Variants in ZDHHC14 observed in about 807,000 individuals in gnomAD.
The protein encoded by ZDHHC14 is palmitoyltransferase ZDHHC14.
ZDHHC14 carries 16 observed loss-of-function variants against 47.7 expected under a neutral mutation model. The ratio of observed to expected loss-of-function variants is 0.34; its 90% confidence interval spans 0.23 to 0.51. The LOEUF is 0.51. Ranked by LOEUF, ZDHHC14 falls within the 20% of genes least tolerant of loss-of-function variation. ZDHHC14 has a pLI of 0.97. For synonymous variants in ZDHHC14, 293 were observed against 278.9 expected, an observed-to-expected ratio of 1.05 and a Z score of -0.50; for missense variants, 515 against 662.5, an observed-to-expected ratio of 0.78 and a Z score of 2.44.
chr6:157,592,743 G>T, intron 2 of ZDHHC14: 1 of 1,258,084 alleles, frequency 7.9e-7, no homozygotes, highest in Non-Finnish European at 1.0e-6. Context: ...GCTGGGTGGG[G>T]CCATGTGTGC....
chr6:157,437,208 T>C (rs769590694), intron 1 of ZDHHC14, among the ~76,000 whole-genome samples: 7 of 152,226 alleles, frequency 4.6e-5, no homozygotes, highest in Non-Finnish European at 7.3e-5. Flanking sequence ...CTGGGCCTCC[T>C]GGTTCTCAGG....
intron 1 of ZDHHC14, among the ~76,000 whole-genome samples, chr6:157,435,571 G>A (rs2114785920): frequency 6.6e-6 from 1 of 151,636 alleles, no homozygotes; most frequent in African/African-American, 2.4e-5. Flanking sequence ...ATAGGGTCTG[G>A]CTCTTTTGCC....
At position 157,511,547 on chromosome 6, in the gene ZDHHC14, C is replaced by CTTTTTTTTTTTTTTTTTTT. The variant is rs34988240; in HGVS notation, c.246-31020_246-31019insTTTTTTTTTTTTTTTTTTT. The stretch of plus-strand genomic sequence containing the variant: ...AGGCATGCGCCACGAAGCCCGGGTA[C>CTTTTTTTTTTTTTTTTTTT]TTTTTTTTTTTTTTTTTTGTATTTT... On this transcript the variant is annotated intron_variant, in intron 1 of 8. Transcript: ENST00000359775. 1.2e-3 allele frequency among the ~76,000 whole-genome samples: 141 copies of CTTTTTTTTTTTTTTTTTTT among 114,860 alleles called. 1 individual carries two copies. Among genetic ancestry groups the CTTTTTTTTTTTTTTTTTTT allele is most frequent in the African/African-American group, 4.8e-3 (128 of 26,704 alleles). 75.4% of individuals were successfully genotyped at this position (114,860 alleles called of 152,430 possible).
chr6:157,676,963 T>A lies in ZDHHC14; in HGVS notation c.*3841T>A, dbSNP rs1216809988. 2 of 152,224 alleles carry A rather than the reference T, an allele frequency of 1.3e-5. No homozygotes were observed. Among genetic ancestry groups the A allele is most frequent in the Non-Finnish European group, 2.9e-5 (2 of 68,036 alleles). 9.4% of individuals were successfully genotyped at this position (152,224 alleles called of 1,614,324 possible). ...CCCTTCATCCATCCACAAGAATACA[T>A]TGAGTTCATTTAGTTCTTGACCAGG... On this transcript the variant is annotated 3_prime_UTR_variant, in exon 9 of 9. Coordinates refer to ENST00000359775, the MANE Select transcript of ZDHHC14 (RefSeq NM_024630.3).
At chr6:157,643,726 G>A (rs2114977748) in intron 5 of ZDHHC14, among the ~76,000 whole-genome samples, 1 of 141,114 alleles carries the variant, frequency 7.1e-6, no homozygotes, top group Non-Finnish European at 1.5e-5. Flanking sequence ...TATATCCGCT[G>A]GCTATGATGC....
intron 1 of ZDHHC14, among the ~76,000 whole-genome samples, chr6:157,383,044 T>TG (rs1240078526): frequency 6.6e-6 from 1 of 152,208 alleles, no homozygotes; most frequent in Non-Finnish European, 1.5e-5. Flanking sequence ...GGATTATATC[T>TG]GGGGGGATAA....
chr6:157,460,556 G>T (rs1352032082), intron 1 of ZDHHC14, among the ~76,000 whole-genome samples: 7 of 151,988 alleles, frequency 4.6e-5, no homozygotes, highest in African/African-American at 1.5e-4. Flanking sequence ...CGCTGCCTGA[G>T]TAATAAAACA....
chr6:157,477,304 C>G (rs1779516592), intron 1 of ZDHHC14, among the ~76,000 whole-genome samples: 1 of 152,180 alleles, frequency 6.6e-6, no homozygotes, highest in East Asian at 1.9e-4. Flanking sequence ...TGCTTGAACC[C>G]AGGAGGCAGA....
intron 1 of ZDHHC14, among the ~76,000 whole-genome samples, chr6:157,414,593 A>G (rs953566599): frequency 1.3e-5 from 2 of 152,108 alleles, no homozygotes; most frequent in African/African-American, 2.4e-5. Context: ...AGCTGCTGCC[A>G]GAGACTTTCA....
chr6:157,450,965 G>A (rs540650970), intron 1 of ZDHHC14, among the ~76,000 whole-genome samples: 230 of 151,858 alleles, frequency 1.5e-3, no homozygotes, highest in Admixed American at 2.6e-3. Flanking sequence ...TATCATCAAT[G>A]GTGGGATAAA....
chr6:157,406,299 G>C (rs899649304), intron 1 of ZDHHC14, among the ~76,000 whole-genome samples: 47 of 152,194 alleles, frequency 3.1e-4, no homozygotes, highest in Non-Finnish European at 4.9e-4. Flanking sequence ...GAAGGGATCC[G>C]TGTATCTGTT....
chr6:157,514,124 A>G (rs17165382), intron 1 of ZDHHC14, among the ~76,000 whole-genome samples: 93,033 of 152,078 alleles, frequency 0.61, 28,583 homozygotes, highest in Admixed American at 0.67. Context: ...ATTAGCAAGC[A>G]TGAAAAATGT....
At chr6:157,662,130 T>A (rs1360283027) in intron 8 of ZDHHC14, among the ~76,000 whole-genome samples, 1 of 152,012 alleles carries the variant, frequency 6.6e-6, no homozygotes, top group Non-Finnish European at 1.5e-5. Flanking sequence ...TATATAGAGC[T>A]TTGCAATTTA....
intron 1 of ZDHHC14, among the ~76,000 whole-genome samples, chr6:157,403,512 A>G (rs1018678346): frequency 2.0e-5 from 3 of 152,198 alleles, no homozygotes; most frequent in Non-Finnish European, 4.4e-5. Flanking sequence ...CCTAAACTCC[A>G]GTACAATTAT....
intron 1 of ZDHHC14, among the ~76,000 whole-genome samples, chr6:157,465,105 C>CTTTT (rs772080368): frequency 2.0e-5 from 2 of 101,998 alleles, no homozygotes; most frequent in African/African-American, 7.8e-5. Context: ...TCTCTTTCTC[C>CTTTT]TTTTTTTTTT....
intron 2 of ZDHHC14, among the ~76,000 whole-genome samples, chr6:157,576,500 T>C (rs1430398956): frequency 6.6e-6 from 1 of 152,210 alleles, no homozygotes; most frequent in East Asian, 1.9e-4. Flanking sequence ...ACCATCTTCT[T>C]TCATGATAGG....
chr6:157,591,014 T>C (rs1218780023), intron 2 of ZDHHC14, among the ~76,000 whole-genome samples: 1 of 152,266 alleles, frequency 6.6e-6, no homozygotes, highest in Non-Finnish European at 1.5e-5. Flanking sequence ...GCATGGGGCC[T>C]GTAGCCCATT....
chr6:157,617,326 G>A (rs1003036340), intron 3 of ZDHHC14, among the ~76,000 whole-genome samples: 7 of 152,162 alleles, frequency 4.6e-5, no homozygotes, highest in South Asian at 4.1e-4. Flanking sequence ...ACGAGGTTGC[G>A]TCTTCAGTTT....
chr6:157,554,315 C>T (rs4709384), intron 2 of ZDHHC14, among the ~76,000 whole-genome samples: 14,213 of 152,190 alleles, frequency 0.093, 704 homozygotes, highest in Admixed American at 0.1. Flanking sequence ...CCTTGGTGGA[C>T]GATGAGTGGC....
Sources: gnomAD v4.1 joint callset for allele counts (sites outside exome capture counted in the v4.1 genomes callset) on GRCh38, gnomAD v4.1.1 for gene constraint, MANE v1.5 for transcripts, NCBI Gene and HGNC (gene_info 2026-07-23, HGNC 2026-07-21) for gene names.